SUSD1: variants seen among roughly 807,000 people sequenced by gnomAD.
SUSD1 encodes the protein sushi domain-containing protein 1.
A neutral mutation model predicts 86.9 loss-of-function variants in SUSD1; 65 were observed. The ratio of observed to expected loss-of-function variants is 0.75; its 90% CI spans 0.61 to 0.92. The LOEUF (loss-of-function observed/expected upper bound fraction) is 0.92, where lower values mean the gene tolerates loss of function less well. SUSD1 is among the 40% of genes least tolerant of loss of function. The pLI is 0.00. For missense variants in SUSD1, 850 were observed against 929.7 expected (o/e 0.91, Z 1.11); for synonymous variants, 346 against 350.0 (o/e 0.99, Z 0.13).
intron 10 of SUSD1, among the ~76,000 whole-genome samples, chr9:112,082,410 G>C (rs1342035862): frequency 6.6e-6 from 1 of 152,180 alleles, no homozygotes; most frequent in East Asian, 1.9e-4. Context: ...GAATTGTCCA[G>C]ATGAGCTCAA....
intron 1 of SUSD1, among the ~76,000 whole-genome samples, chr9:112,167,025 G>A (rs1030269661): frequency 1.3e-5 from 2 of 152,186 alleles, no homozygotes; most frequent in Non-Finnish European, 2.9e-5. Flanking sequence ...GAGAGGGTGA[G>A]ACAGGTTTTG....
At chr9:112,073,084 T>G (rs1207879891) in intron 12 of SUSD1, among the ~76,000 whole-genome samples, 1 of 152,192 alleles carries the variant, frequency 6.6e-6, no homozygotes, top group East Asian at 1.9e-4. Context: ...CCTGAGGACA[T>G]CCCATTGTGG....
At chr9:112,051,408 C>CTTTTTTTTTTTTT (rs746946192) in intron 15 of SUSD1, among the ~76,000 whole-genome samples, 38 of 77,030 alleles carry the variant, frequency 4.9e-4, no homozygotes, top group Non-Finnish European at 6.4e-4. Flanking sequence ...TTTTTCTTTT[C>CTTTTTTTTTTTTT]TTTTTTTTTT....
chr9:112,129,466 C>A (rs542273484), intron 5 of SUSD1, among the ~76,000 whole-genome samples: 4 of 152,210 alleles, frequency 2.6e-5, no homozygotes, highest in East Asian at 3.9e-4. Flanking sequence ...ACGTGCACAA[C>A]CATATATGGC....
Position 112,091,324 on chromosome 9 carries a change from T to G in SUSD1, c.1474+7146A>C, listed in dbSNP as rs372687882. ...TTATCTTTTGTTTGGACTTTAATTC[T>G]GTGAACAGGAATCCATTATGGGGGA... On this transcript the variant is annotated intron_variant, in intron 10 of 16. Transcript: ENST00000374270. 4.3e-3 allele frequency among the ~76,000 whole-genome samples: 659 copies of G among 152,352 alleles called. 41 individuals are homozygous for G. The South Asian group carries it at 0.13, about 30-fold the overall frequency.
At chr9:112,139,764 T>C (rs894394229) in intron 5 of SUSD1, among the ~76,000 whole-genome samples, 4 of 152,006 alleles carry the variant, frequency 2.6e-5, no homozygotes, top group African/African-American at 9.7e-5. Context: ...AAAAATAACT[T>C]ATTTCCAATT....
At chr9:112,155,978 GAGAA>G (rs147466576) in intron 2 of SUSD1, among the ~76,000 whole-genome samples, 2,527 of 150,318 alleles carry the variant, frequency 0.017, 34 homozygotes, top group Non-Finnish European at 0.026. Flanking sequence ...GGAAAGGAGA[GAGAA>G]AGAAAGAAAG....
rs146484239 is a variant in SUSD1, at chr9:112,102,212, C to A, written c.1245G>T (p.Arg415Ser). ...GTTCTGATCCAACTTTCCTAGAACG[C>A]CTGTTCAATTTCAAACAAGTTTCAT... ...IFNETCLKLNRRSRKVGSEHM... is the reference protein window; with the variant it reads ...IFNETCLKLNSRSRKVGSEHM... The change falls in exon 9 of 17, where the codon AGG (arginine) becomes AGT (serine). Residue 415 changes from arginine to serine, a missense_variant. Physicochemically the swap from Arg to Ser is moderately radical, Grantham distance 110. Coordinates refer to ENST00000374270, the MANE Select transcript of SUSD1 (RefSeq NM_022486.5). The A allele has an allele frequency of 2.9e-4, 461 of 1,602,196 alleles. 5 individuals carry two copies. Among genetic ancestry groups the A allele is most frequent in the Admixed American group, 2.6e-4 (15 of 57,918 alleles).
intron 12 of SUSD1, among the ~76,000 whole-genome samples, chr9:112,068,699 C>CA (rs200990357): frequency 0.012 from 1,029 of 84,520 alleles, 9 homozygotes; most frequent in Middle Eastern, 0.021. Context: ...GACCCTGTCT[C>CA]AAAAAAAAAA....
In SUSD1 at chr9:112,149,275, TG is replaced by T; in HGVS notation, c.341del (p.Thr114AsnfsTer13). On this transcript the variant is annotated frameshift_variant, in exon 3 of 17. Transcript: ENST00000374270. LOFTEE classifies it high-confidence loss of function. ...EGYRATNNNK[T>X]FIPNDGTFCT... is the part of the protein sequence containing the mutation. ...AAAAGGTGCCATCGTTGGGAATGAA[TG>T]TCTTGTTGTTGTTTGTGGCTCGATA... 6.2e-7 allele frequency: 1 copy of T among 1,614,196 alleles called. No homozygotes were observed. The highest frequency in any genetic ancestry group is 1.1e-5 in the South Asian group (1 of 91,084).
At chr9:112,171,406 C>T (rs1159395319) in intron 1 of SUSD1, among the ~76,000 whole-genome samples, 1 of 152,186 alleles carries the variant, frequency 6.6e-6, no homozygotes, top group East Asian at 1.9e-4. Context: ...ATTTATTTGC[C>T]TACCAGATTC....
At chr9:112,049,617 C>T (rs116597144) in intron 15 of SUSD1, among the ~76,000 whole-genome samples, 6 of 152,094 alleles carry the variant, frequency 3.9e-5, no homozygotes, top group African/African-American at 7.2e-5. Context: ...AGCCTTGGCA[C>T]GAGTGAACTG....
Position 112,063,021 on chromosome 9 carries a change from G to T in SUSD1, c.1766C>A (p.Pro589Gln). 1 of 1,611,306 alleles carries T rather than the reference G, an allele frequency of 6.2e-7. No homozygotes were observed. ...GTGCACCGTAAAAAATTCTACTTCCGGGAGGGGAGGCTCTGAAAACATGTT... is the reference window on the plus strand; with the variant it reads ...GTGCACCGTAAAAAATTCTACTTCCTGGAGGGGAGGCTCTGAAAACATGTT... ...LTTQITEPPL[P>Q]EVEFFTVHRG... Residue 589 changes from proline to glutamine, a missense_variant, in exon 13 of 17, where the codon CCG becomes CAG. Physicochemically the swap from Pro to Gln is moderately conservative, Grantham distance 76. Transcript: ENST00000374270.
intron 11 of SUSD1, among the ~76,000 whole-genome samples, chr9:112,079,142 C>G (rs992857167): frequency 6.6e-6 from 1 of 151,918 alleles, no homozygotes; most frequent in East Asian, 1.9e-4. Flanking sequence ...TTCTTCCTCT[C>G]TCTCTCTCTC....
chr9:112,160,539 A>C (rs1833520224), intron 1 of SUSD1, among the ~76,000 whole-genome samples: 1 of 152,134 alleles, frequency 6.6e-6, no homozygotes, highest in Non-Finnish European at 1.5e-5. Context: ...GTGAGACTCC[A>C]TCTCAAAAAA....
chr9:112,135,430 A>G (rs947725024), intron 5 of SUSD1, among the ~76,000 whole-genome samples: 2 of 152,222 alleles, frequency 1.3e-5, no homozygotes, highest in Non-Finnish European at 2.9e-5. Context: ...CAGAAACTGC[A>G]GAGGAGGTGA....
At chr9:112,078,811 C>CT (rs71496739) in intron 11 of SUSD1, 87 bp from the exon 12 acceptor site, 79,815 of 637,190 alleles carry the variant, frequency 0.13, 358 homozygotes, top group East Asian at 0.19. Flanking sequence ...TTTTCTTTCT[C>CT]TTTTTTTTTT....
At chr9:112,100,953 C>A (rs556130009) in intron 9 of SUSD1, among the ~76,000 whole-genome samples, 1 of 151,744 alleles carries the variant, frequency 6.6e-6, no homozygotes, top group African/African-American at 2.4e-5. Context: ...TACTTTTTGT[C>A]AAAGCACTCA....
chr9:112,093,667 A>G (rs901586836), intron 10 of SUSD1, among the ~76,000 whole-genome samples: 1 of 152,186 alleles, frequency 6.6e-6, no homozygotes, highest in African/African-American at 2.4e-5. Context: ...TGTCCTGTTA[A>G]TCTCAGATGG....
Sources: allele counts gnomAD v4.1 joint callset (sites outside exome capture counted in the v4.1 genomes callset), GRCh38; gene constraint gnomAD v4.1.1; transcripts MANE v1.5; gene names NCBI Gene and HGNC (gene_info 2026-07-23, HGNC 2026-07-21).